Variants in TACC2 observed in about 807,000 individuals in gnomAD.
TACC2 encodes transforming acidic coiled-coil containing protein 2, also known as transforming acidic coiled-coil-containing protein 2.
In TACC2, 137 loss-of-function variants were observed where a neutral mutation model predicts 227.3. The ratio of observed to expected loss-of-function variants is 0.60; its 90% CI spans 0.52 to 0.69. TACC2 has a LOEUF of 0.69. Ranked by LOEUF, TACC2 falls within the 30% of genes least tolerant of loss-of-function variation. The pLI is 0.00. For missense variants in TACC2, 3,470 were observed against 3,694.4 expected (o/e 0.94, Z 1.57); for synonymous variants, 1,523 against 1,487.5 (o/e 1.02, Z -0.55).
chr10:122,211,527 A>G lies in TACC2; in HGVS notation c.7102A>G (p.Asn2368Asp). The G allele has an allele frequency of 1.2e-6, 2 of 1,613,782 alleles. No individual in the cohort carries two copies. The highest frequency in any genetic ancestry group is 1.7e-6 in the Non-Finnish European group (2 of 1,179,942). ...TCCCAAACTGCCCCAACAATCATAC[A>G]ACTTTGACCCAGACACCTGTGATGA... is the stretch of plus-strand genomic sequence containing the variant. Reference protein sequence around the residue: ...ESPKLPQQSYNFDPDTCDESV... With the variant: ...ESPKLPQQSYDFDPDTCDESV... The change falls in exon 9 of 23, where the codon AAC (asparagine) becomes GAC (aspartate). Residue 2368 changes from asparagine (N) to aspartate (D), a missense_variant. Coordinates refer to ENST00000369005, the MANE Select transcript of TACC2 (RefSeq NM_206862.4).
At chr10:122,165,544 T>C (rs2093109641) in intron 7 of TACC2, among the ~76,000 whole-genome samples, 1 of 152,224 alleles carries the variant, frequency 6.6e-6, no homozygotes, top group South Asian at 2.1e-4. Flanking sequence ...GTTAGGTAGC[T>C]GTGCCTTTTT....
At chr10:122,151,573 TG>T (rs1321392869) in intron 7 of TACC2, among the ~76,000 whole-genome samples, 1 of 152,062 alleles carries the variant, frequency 6.6e-6, no homozygotes, top group Non-Finnish European at 1.5e-5. Context: ...GGGAGTTTGC[TG>T]GTGCCAAAGA....
chr10:122,113,421 C>T (rs2084010922), intron 5 of TACC2, among the ~76,000 whole-genome samples: 1 of 152,232 alleles, frequency 6.6e-6, no homozygotes, highest in South Asian at 2.1e-4. Context: ...AGTGTGGCTG[C>T]GGGGAAACCG....
intron 8 of TACC2, among the ~76,000 whole-genome samples, chr10:122,200,018 G>A (rs901879547): frequency 1.3e-5 from 2 of 152,202 alleles, no homozygotes; most frequent in Non-Finnish European, 2.9e-5. Flanking sequence ...GGAATTTCGG[G>A]GACACACACA....
chr10:122,172,383 C>A (rs2093516486), intron 7 of TACC2, among the ~76,000 whole-genome samples: 1 of 152,276 alleles, frequency 6.6e-6, no homozygotes, highest in East Asian at 1.9e-4. Flanking sequence ...TGTGCCAGCA[C>A]CACCCTTCCT....
rs369857658 is a variant in TACC2 at position 122,086,796 on chromosome 10, A to G, written c.4296A>G (p.Gly1432=). 6 of 1,613,848 alleles carry G rather than the reference A, an allele frequency of 3.7e-6. No homozygotes were observed. The South Asian group carries it at 5.5e-5, about 15-fold the overall frequency. ...GALATPGEKA[G]AGRSAVGKDL... The stretch of plus-strand genomic sequence containing the variant: ...TGGCCACACCTGGAGAAAAGGCAGG[A>G]GCTGGGAGGAGTGCAGTGGGTAAAG... The change falls in exon 4 of 23, where the codon GGA becomes GGG. Residue 1432 remains glycine, a synonymous_variant. Transcript: ENST00000369005.
At chr10:122,061,023 G>T (rs960101589) in intron 3 of TACC2, among the ~76,000 whole-genome samples, 17 of 16,416 alleles carry the variant, frequency 1.0e-3, no homozygotes, top group Admixed American at 9.0e-3. Context: ...AAAAAAAGGG[G>T]GGGGGGCCAG....
chr10:122,238,126 G>C (rs1024302948), intron 18 of TACC2, 89 bp downstream of exon 18: 20 of 980,452 alleles, frequency 2.0e-5, no homozygotes, highest in African/African-American at 4.8e-5. Context: ...CCACAGAAGA[G>C]TGTCTTCTGT....
intron 2 of TACC2, among the ~76,000 whole-genome samples, chr10:122,031,750 C>A (rs753688727): frequency 2.1e-5 from 3 of 145,054 alleles, no homozygotes; most frequent in Admixed American, 1.4e-4. Flanking sequence ...TGTCACCTAG[C>A]GTGGAGTGCA....
intron 3 of TACC2, among the ~76,000 whole-genome samples, chr10:122,056,901 C>G (rs996760809): frequency 1.3e-5 from 2 of 152,132 alleles, no homozygotes; most frequent in Admixed American, 6.5e-5. Flanking sequence ...TGCTTTTAAA[C>G]AAGGGCTGGG....
chr10:122,078,069 C>T (rs1178521346), intron 3 of TACC2, among the ~76,000 whole-genome samples: 2 of 151,896 alleles, frequency 1.3e-5, no homozygotes, highest in Non-Finnish European at 2.9e-5. Flanking sequence ...GTGGTGCACG[C>T]CTGTAGTCCA....
intron 7 of TACC2, among the ~76,000 whole-genome samples, chr10:122,149,666 C>T (rs2139433423): frequency 6.6e-6 from 1 of 152,342 alleles, no homozygotes; most frequent in South Asian, 2.1e-4. Context: ...TGCATCTTCG[C>T]TCTGGAGCCA....
At chr10:122,134,408 C>T (rs1176746274) in intron 6 of TACC2, among the ~76,000 whole-genome samples, 1 of 152,048 alleles carries the variant, frequency 6.6e-6, no homozygotes, top group Admixed American at 6.6e-5. Flanking sequence ...AAACTCCTGA[C>T]CCCCAGGTAA....
chr10:122,163,527 G>C (rs2092953250), intron 7 of TACC2: 2 of 974,464 alleles, frequency 2.1e-6, no homozygotes, highest in Admixed American at 1.2e-4. Context: ...GCTTTGTGAA[G>C]ATGCAGGCGT....
chr10:122,223,778 A>T (rs1160753005), intron 11 of TACC2, among the ~76,000 whole-genome samples: 1 of 152,222 alleles, frequency 6.6e-6, no homozygotes, highest in Non-Finnish European at 1.5e-5. Flanking sequence ...TTGAAAGATT[A>T]AACTTGATGG....
At chr10:122,076,821 G>A (rs1332091248) in intron 3 of TACC2, among the ~76,000 whole-genome samples, 3 of 152,114 alleles carry the variant, frequency 2.0e-5, no homozygotes, top group Non-Finnish European at 4.4e-5. Context: ...AGAAAAGAAT[G>A]TTCATGATCT....
chr10:122,212,631 C>T (rs1188822281), intron 9 of TACC2, among the ~76,000 whole-genome samples: 2 of 152,196 alleles, frequency 1.3e-5, no homozygotes, highest in Non-Finnish European at 2.9e-5. Context: ...GCGCTGGCCC[C>T]TCTGGGTCTG....
chr10:122,088,486 C>G lies in TACC2; in HGVS notation c.5468C>G (p.Pro1823Arg). The G allele has an allele frequency of 1.2e-6, 2 of 1,612,396 alleles. No individual in the cohort carries two copies. The highest frequency in any genetic ancestry group is 1.7e-6 in the Non-Finnish European group (2 of 1,179,258). Residue 1823 changes from proline (P) to arginine (R), a missense_variant, in exon 5 of 23, where the codon CCC (proline) becomes CGC (arginine). Pro to Arg is a moderately radical substitution (Grantham distance 103). Transcript: ENST00000369005. Reference protein sequence around the residue: ...PEELHTDRESPRPGPSMLPSV... With the variant: ...PEELHTDRESRRPGPSMLPSV... ...TTCTTTTATTATCCCAGAGAGAGCC[C>G]CAGGCCTGGCCCATCCATGTTACCT...
In TACC2 at chr10:122,180,050, A is replaced by C. The variant is rs916534084; in HGVS notation, c.5835-14990A>C. On this transcript the variant is annotated intron_variant, in intron 7 of 22. Coordinates refer to ENST00000369005, the MANE Select transcript of TACC2 (RefSeq NM_206862.4). This position sits in a 1 kb window ranked among gnomAD's most constrained non-coding sequence, Gnocchi z 4.5. The stretch of plus-strand genomic sequence containing the variant: ...CAGTGAGCCATGATTGCGCCACTGC[A>C]CTCCAGCCTGGGCAACAGAGTGAGA... Among the ~76,000 whole-genome samples, 1 of 151,966 alleles carries C rather than the reference A, an allele frequency of 6.6e-6. No individual in the cohort carries two copies. The highest frequency in any genetic ancestry group is 1.5e-5 in the Non-Finnish European group (1 of 67,988).
Sources: gnomAD v4.1 joint callset for allele counts (sites outside exome capture counted in the v4.1 genomes callset) on GRCh38, gnomAD v4.1.1 for gene constraint, Gnocchi (gnomAD v3.1) non-coding constraint, MANE v1.5 for transcripts, NCBI Gene and HGNC (gene_info 2026-07-23, HGNC 2026-07-21) for gene names.